Variants in SLC6A5 observed in about 807,000 individuals in gnomAD.
SLC6A5 encodes sodium- and chloride-dependent glycine transporter 2.
SLC6A5 carries 58 observed loss-of-function variants against 90.5 expected under a neutral mutation model. The observed-to-expected ratio is 0.64, with a 90% CI of 0.52 to 0.80. The LOEUF is 0.80. SLC6A5 is among the 30% of genes least tolerant of loss of function. SLC6A5 has a pLI of 0.00. For synonymous variants in SLC6A5, 427 were observed against 401.4 expected, an observed-to-expected ratio of 1.06 and a Z score of -0.76; for missense variants, 1,015 against 1,017.6, an observed-to-expected ratio of 1.00 and a Z score of 0.03.
At position 20,606,392 on chromosome 11, in the gene SLC6A5, G is replaced by T. The variant is rs567972423; in HGVS notation, c.680-615G>T. ...AGACTTCTTGGAGGAGGAAGCATTT[G>T]AGTTGACCTTGAAGGATGGAAGGAA... On this transcript the variant is annotated intron_variant, in intron 3 of 15. Transcript: ENST00000525748. Among the ~76,000 whole-genome samples, 8 of 152,342 alleles carry T rather than the reference G, an allele frequency of 5.3e-5. No individual in the cohort carries two copies. The East Asian group carries it at 1.4e-3, about 26-fold the overall frequency.
At chr11:20,599,956 G>C (rs1852426839) in intron 1 of SLC6A5, among the ~76,000 whole-genome samples, 1 of 152,166 alleles carries the variant, frequency 6.6e-6, no homozygotes, top group African/African-American at 2.4e-5. Flanking sequence ...TGCCGGTACA[G>C]AGGCGAGTTG....
intron 14 of SLC6A5, among the ~76,000 whole-genome samples, chr11:20,650,797 G>A (rs1393180129): frequency 6.6e-6 from 1 of 151,250 alleles, no homozygotes; most frequent in Non-Finnish European, 1.5e-5. Flanking sequence ...CTCCTGAGTA[G>A]CTCGGACTAC....
chr11:20,617,286 G>A (rs4922792), intron 6 of SLC6A5, among the ~76,000 whole-genome samples: 16,166 of 152,204 alleles, frequency 0.11, 1,986 homozygotes, highest in East Asian at 0.36. Context: ...CACATTTTTC[G>A]TCATTTAGCA....
intron 6 of SLC6A5, among the ~76,000 whole-genome samples, chr11:20,616,544 C>T (rs1045001530): frequency 3.9e-5 from 6 of 152,170 alleles, no homozygotes; most frequent in African/African-American, 1.4e-4. Flanking sequence ...GTTGAGATGG[C>T]TAAGTCATGG....
intron 7 of SLC6A5, among the ~76,000 whole-genome samples, chr11:20,619,342 C>T (rs1852846545): frequency 6.6e-6 from 1 of 152,212 alleles, no homozygotes; most frequent in African/African-American, 2.4e-5. Flanking sequence ...GGGACATGGA[C>T]ATTTTTGATT....
Position 20,630,821 on chromosome 11 carries a change from G to T in SLC6A5, c.1624+6G>T. The T allele has an allele frequency of 6.2e-7, 1 of 1,614,140 alleles. No individual in the cohort carries two copies. The highest frequency in any genetic ancestry group is 8.5e-7 in the Non-Finnish European group (1 of 1,179,954). On this transcript the variant is annotated splice_donor_region_variant and intron_variant, in intron 10 of 15. Transcript: ENST00000525748. Reference sequence around the variant, plus strand: ...TGAGAATGTGGCAGACCAAGGTACAGGACAGTTGTTACCCTGCTGTTGCAG... The same window carrying T: ...TGAGAATGTGGCAGACCAAGGTACATGACAGTTGTTACCCTGCTGTTGCAG...
intron 14 of SLC6A5, among the ~76,000 whole-genome samples, chr11:20,650,515 G>A (rs80185300): frequency 0.018 from 2,798 of 152,160 alleles, 86 homozygotes; most frequent in African/African-American, 0.065. Flanking sequence ...CCCCTGTGTG[G>A]TATACACAGA....
chr11:20,617,641 T>C, intron 6 of SLC6A5, 111 bp from the exon 7 acceptor site: 4 of 912,442 alleles, frequency 4.4e-6, no homozygotes, highest in Non-Finnish European at 7.2e-6. Context: ...TGGAGGATGC[T>C]GGGGTTTTGT....
intron 13 of SLC6A5, among the ~76,000 whole-genome samples, chr11:20,639,310 G>A (rs1052873529): frequency 5.3e-5 from 8 of 152,052 alleles, no homozygotes; most frequent in Non-Finnish European, 1.5e-5. Context: ...TTGGAAGCCT[G>A]CTCAGAACTG....
At chr11:20,652,485 A>C in intron 15 of SLC6A5, 29 bp downstream of exon 15, 2 of 1,600,994 alleles carry the variant, frequency 1.2e-6, no homozygotes, top group Non-Finnish European at 1.7e-6. Flanking sequence ...TTCCCTCCCA[A>C]TTCCTCCCAA....
At chr11:20,654,590 C>A (rs576466755) in intron 15 of SLC6A5, 123 bp from the exon 16 acceptor site, 3 of 907,588 alleles carry the variant, frequency 3.3e-6, no homozygotes, top group Non-Finnish European at 5.5e-6. Context: ...GGTAGAGGGC[C>A]TCTTGGCTCA....
In SLC6A5 at chr11:20,604,422, G is replaced by T. The variant is rs1565271429; in HGVS notation, c.677G>T (p.Gly226Val). 6.2e-7 allele frequency: 1 copy of T among 1,613,634 alleles called. No individual in the cohort carries two copies. Among genetic ancestry groups the T allele is most frequent in the East Asian group, 2.2e-5 (1 of 44,856 alleles). ...CCCTACCTGGCCTTCCAGAACGGGGGAGGTATGGCTTTTCCGCTCTTTCCG... is the reference window on the plus strand; with the variant it reads ...CCCTACCTGGCCTTCCAGAACGGGGTAGGTATGGCTTTTCCGCTCTTTCCG... ...RFPYLAFQNGGGAFLIPYLMM... is the reference protein window; with the variant it reads ...RFPYLAFQNGVGAFLIPYLMM... Residue 226 changes from glycine to valine, a missense_variant and splice_region_variant, in exon 3 of 16, where the codon GGA (glycine) becomes GTA (valine). Physicochemically the swap from Gly to Val is moderately radical, Grantham distance 109. This residue lies in a region of SLC6A5 where 567 missense variants were observed against 507.3 expected (regional missense o/e 1.12). Transcript: ENST00000525748.
At position 20,607,631 on chromosome 11, in the gene SLC6A5, G is replaced by T. The variant is rs1483980034; in HGVS notation, c.964G>T (p.Asp322Tyr). The T allele has an allele frequency of 6.2e-7, 1 of 1,613,958 alleles. No homozygotes were observed. Among genetic ancestry groups the T allele is most frequent in the Non-Finnish European group, 8.5e-7 (1 of 1,179,994 alleles). Reference sequence around the variant, plus strand: ...CCCTTGGAATACGCCAGAATGCAAAGATAAAACCAAACTTTTATTAGGTAA... The same window carrying T: ...CCCTTGGAATACGCCAGAATGCAAATATAAAACCAAACTTTTATTAGGTAA... ...NNPWNTPECK[D>Y]KTKLLLDSCV... The change falls in exon 5 of 16, where the codon GAT becomes TAT. Residue 322 changes from aspartate (D) to tyrosine (Y), a missense_variant. By Grantham distance (160) the Asp-to-Tyr change is radical (BLOSUM62 -3). Around this residue, in one of 3 missense-constraint regions of SLC6A5, gnomAD observed 567 missense variants for 507.3 expected, o/e 1.12. Transcript: ENST00000525748.
intron 12 of SLC6A5, among the ~76,000 whole-genome samples, chr11:20,637,842 T>G (rs1853239445): frequency 6.6e-6 from 1 of 152,220 alleles, no homozygotes; most frequent in African/African-American, 2.4e-5. Context: ...CTGCAGTTTC[T>G]TCCAGTCCCA....
Position 20,624,566 on chromosome 11 carries a change from C to G in SLC6A5, c.1261-2142C>G, listed in dbSNP as rs570319641. ...CCACTCACTACCATGCTGGAGCCCC[C>G]TACCAGGTACTCGAGTCTGTGCAGA... is the stretch of plus-strand genomic sequence containing the variant. On this transcript the variant is annotated intron_variant, in intron 7 of 15. Coordinates refer to ENST00000525748, the MANE Select transcript of SLC6A5 (RefSeq NM_004211.5). Among the ~76,000 whole-genome samples the G allele has an allele frequency of 2.0e-5, 3 of 152,258 alleles. No homozygotes were observed. In the South Asian group the frequency reaches 6.2e-4, roughly 32 times the overall value.
At chr11:20,651,975 C>T (rs1853541950) in intron 14 of SLC6A5, among the ~76,000 whole-genome samples, 1 of 151,982 alleles carries the variant, frequency 6.6e-6, no homozygotes, top group African/African-American at 2.4e-5. Context: ...CCCCTGCCCA[C>T]CTCTGCCTAT....
chr11:20,611,211 T>C (rs1385870355), intron 5 of SLC6A5, among the ~76,000 whole-genome samples: 2 of 152,138 alleles, frequency 1.3e-5, no homozygotes, highest in Non-Finnish European at 2.9e-5. Context: ...TCCCAGCACC[T>C]TGGGAAGCCA....
rs773119352 is a variant in SLC6A5 at position 20,646,930 on chromosome 11, T to C, written c.2066T>C (p.Leu689Ser). Reference protein sequence around the residue: ...VCWAFVTPTILTFILCFSFYQ... With the variant: ...VCWAFVTPTISTFILCFSFYQ... ...TGGGCATTTGTAACCCCAACCATTT[T>C]AACCGTAAGGATTTTGCATGTTTTC... The change falls in exon 14 of 16, where the codon TTA (leucine) becomes TCA (serine). Residue 689 changes from leucine (L) to serine (S), a missense_variant. Around this residue, in one of 3 missense-constraint regions of SLC6A5, gnomAD observed 442 missense variants for 494.3 expected, o/e 0.89. Coordinates refer to ENST00000525748, the MANE Select transcript of SLC6A5 (RefSeq NM_004211.5). 2.5e-6 allele frequency: 4 copies of C among 1,606,398 alleles called. No individual in the cohort carries two copies. The highest frequency in any genetic ancestry group is 3.4e-6 in the Non-Finnish European group (4 of 1,173,044).
At position 20,601,394 on chromosome 11, in the gene SLC6A5, C is replaced by T. The variant is rs752225272; in HGVS notation, c.269C>T (p.Ala90Val). Reference protein sequence around the residue: ...CKLSSPRAQAASAALRDLREA... With the variant: ...CKLSSPRAQAVSAALRDLREA... ...CTCAGTAGCCCGCGGGCGCAGGCGG[C>T]CTCTGCAGCTCTGCGGGACTTGAGA... The change falls in exon 2 of 16, where the codon GCC (alanine) becomes GTC (valine). Residue 90 changes from alanine to valine, a missense_variant. Around this residue, in one of 3 missense-constraint regions of SLC6A5, gnomAD observed 567 missense variants for 507.3 expected, o/e 1.12. Transcript: ENST00000525748. 21 of 1,604,098 alleles carry T rather than the reference C, an allele frequency of 1.3e-5. 1 individual carries two copies. The Middle Eastern group carries it at 2.8e-3, about 216-fold the overall frequency.
Sources: gnomAD v4.1 joint callset for allele counts (sites outside exome capture counted in the v4.1 genomes callset) on GRCh38, gnomAD v4.1.1 for gene constraint, gnomAD v4.1.1 regional missense constraint, MANE v1.5 for transcripts, NCBI Gene and HGNC (gene_info 2026-07-23, HGNC 2026-07-21) for gene names.